Variants in RBFOX3 observed in about 807,000 individuals in gnomAD.
RBFOX3 encodes the protein RNA binding protein fox-1 homolog 3.
In RBFOX3, 17 loss-of-function variants were observed where a neutral mutation model predicts 48.7. The observed-to-expected ratio is 0.35, with a 90% CI of 0.24 to 0.52. The LOEUF is 0.52. RBFOX3 is among the 20% of genes least tolerant of loss of function. The probability of loss-of-function intolerance (pLI) is 0.94; values close to 1 mark genes in which losing one functional copy is unlikely to be tolerated. For synonymous variants in RBFOX3, 212 were observed against 209.5 expected (o/e 1.01, Z -0.10); for missense variants, 382 against 497.5 (o/e 0.77, Z 2.21).
Position 79,392,662 on chromosome 17 carries a change from C to A in RBFOX3, c.-174-84838G>T, listed in dbSNP as rs1382023637. 6.6e-6 allele frequency among the ~76,000 whole-genome samples: 1 copy of A among 152,194 alleles called. No individual in the cohort carries two copies. Among genetic ancestry groups the A allele is most frequent in the Non-Finnish European group, 1.5e-5 (1 of 68,042 alleles). ...CAGTGTGTGCAGTACCACACCCTCT[C>A]TTCCCGATATCTGGCAAGCATCGGG... is the stretch of plus-strand genomic sequence containing the variant. On this transcript the variant is annotated intron_variant, in intron 2 of 14. Coordinates refer to ENST00000693108, the MANE Select transcript of RBFOX3 (RefSeq NM_001350451.2). This position sits in a 1 kb window ranked among gnomAD's most constrained non-coding sequence, Gnocchi z 5.0.
intron 1 of RBFOX3, among the ~76,000 whole-genome samples, chr17:79,538,587 T>A (rs1325122625): frequency 6.6e-6 from 1 of 152,212 alleles, no homozygotes; most frequent in Non-Finnish European, 1.5e-5. Context: ...GCTTTGAGAA[T>A]CATCCTCGCC....
intron 1 of RBFOX3, among the ~76,000 whole-genome samples, chr17:79,509,422 TA>T (rs2083745224): frequency 6.6e-6 from 1 of 151,620 alleles, no homozygotes; most frequent in Admixed American, 6.6e-5. Context: ...TCTGCGGGTA[TA>T]TTTGTTCACT....
At chr17:79,531,348 G>A (rs1052312207) in intron 1 of RBFOX3, among the ~76,000 whole-genome samples, 7 of 152,298 alleles carry the variant, frequency 4.6e-5, no homozygotes, top group African/African-American at 1.4e-4. Context: ...CTGCGTGTGC[G>A]GAGGAGGGCG....
intron 3 of RBFOX3, among the ~76,000 whole-genome samples, chr17:79,279,422 T>G (rs530794287): frequency 5.9e-5 from 9 of 152,224 alleles, no homozygotes; most frequent in African/African-American, 1.9e-4. Flanking sequence ...ATGCTGAGAT[T>G]CCAGTGGGTG....
chr17:79,413,711 C>T (rs1184187751), intron 2 of RBFOX3, among the ~76,000 whole-genome samples: 2 of 152,138 alleles, frequency 1.3e-5, no homozygotes, highest in Non-Finnish European at 2.9e-5. Flanking sequence ...GAAGGCAGCC[C>T]GAGGAGCAGC....
chr17:79,254,764 A>C lies in RBFOX3; in HGVS notation c.-73-18959T>G, dbSNP rs563919589. 3.3e-5 allele frequency among the ~76,000 whole-genome samples: 5 copies of C among 152,274 alleles called. No homozygotes were observed. The South Asian group carries it at 6.2e-4, about 19-fold the overall frequency. On this transcript the variant is annotated intron_variant, in intron 3 of 14. Coordinates refer to ENST00000693108, the MANE Select transcript of RBFOX3 (RefSeq NM_001350451.2). This position sits in a 1 kb window ranked among gnomAD's most constrained non-coding sequence, Gnocchi z 4.8. ...CCTTACCTGGACAGTATCCAGGTGG[A>C]CAGGTGCCTTATCTTGGCTGGGCAT...
At chr17:79,097,970 T>C in intron 9 of RBFOX3, 1 of 575,906 alleles carries the variant, frequency 1.7e-6, no homozygotes, top group East Asian at 2.9e-5. Flanking sequence ...GCTAGGATTC[T>C]TTCCCAATTG....
At chr17:79,202,392 TG>T (rs2056894186) in intron 4 of RBFOX3, among the ~76,000 whole-genome samples, 1 of 152,136 alleles carries the variant, frequency 6.6e-6, no homozygotes, top group African/African-American at 2.4e-5. Context: ...GCCCCCTCTG[TG>T]CTCACGGCAG....
At chr17:79,291,617 T>G (rs2073282060) in intron 3 of RBFOX3, among the ~76,000 whole-genome samples, 1 of 152,216 alleles carries the variant, frequency 6.6e-6, no homozygotes, top group African/African-American at 2.4e-5. Context: ...TAACAGGGTC[T>G]GCAGAGCCGG....
At chr17:79,544,621 C>T (rs1398657230) in intron 1 of RBFOX3, among the ~76,000 whole-genome samples, 3 of 151,978 alleles carry the variant, frequency 2.0e-5, no homozygotes, top group Non-Finnish European at 4.4e-5. Flanking sequence ...CCACCTGCCC[C>T]ACCACACCTG....
chr17:79,281,483 G>C (rs978989999), intron 3 of RBFOX3, among the ~76,000 whole-genome samples: 1 of 151,894 alleles, frequency 6.6e-6, no homozygotes, highest in African/African-American at 2.4e-5. Context: ...GGGCTGGAAG[G>C]AGCCACGGGC....
intron 4 of RBFOX3, among the ~76,000 whole-genome samples, chr17:79,190,343 G>T (rs577168715): frequency 2.6e-5 from 4 of 151,574 alleles, no homozygotes; most frequent in Admixed American, 2.6e-4. Flanking sequence ...TCTGGGAGGC[G>T]GAGGATGCGG....
chr17:79,518,140 G>C (rs2085516354), intron 1 of RBFOX3, among the ~76,000 whole-genome samples: 1 of 152,184 alleles, frequency 6.6e-6, no homozygotes, highest in Non-Finnish European at 1.5e-5. Context: ...CTGAGCTATG[G>C]AAACAATTAA....
chr17:79,333,899 G>A (rs891778002), intron 2 of RBFOX3, among the ~76,000 whole-genome samples: 6 of 151,904 alleles, frequency 3.9e-5, no homozygotes, highest in Admixed American at 3.3e-4. Flanking sequence ...CCCAGATGCC[G>A]AGGTGTCTCC....
At chr17:79,563,689 T>C (rs2092344302) in intron 1 of RBFOX3, among the ~76,000 whole-genome samples, 1 of 152,230 alleles carries the variant, frequency 6.6e-6, no homozygotes, top group African/African-American at 2.4e-5. Context: ...TCTTTTTTCT[T>C]GGCACATTCT....
the RBFOX3 span, among the ~76,000 whole-genome samples, chr17:79,620,563 A>C: frequency 7.1e-6 from 1 of 141,458 alleles, no homozygotes; most frequent in African/African-American, 2.7e-5. Flanking sequence ...ACATGTGCAC[A>C]CCCGCGCGTG....
intron 4 of RBFOX3, chr17:79,208,592 G>A (rs1478749341): frequency 6.6e-6 from 1 of 152,598 alleles, no homozygotes; most frequent in Non-Finnish European, 1.5e-5. Flanking sequence ...AAGTGGCATT[G>A]AGCAACCTTG....
Position 79,396,255 on chromosome 17 carries a change from G to A in RBFOX3, c.-175+86199C>T, listed in dbSNP as rs869470. Among the ~76,000 whole-genome samples the A allele has an allele frequency of 7.6e-3, 1,159 of 152,298 alleles. 9 individuals carry two copies. Among genetic ancestry groups the A allele is most frequent in the Middle Eastern group, 0.02 (6 of 294 alleles). On this transcript the variant is annotated intron_variant, in intron 2 of 14. Coordinates refer to ENST00000693108, the MANE Select transcript of RBFOX3 (RefSeq NM_001350451.2). ...ATCAAATTTGGACTGGGCAGAGCCG[G>A]GGGAGAAGGGTGTGGCTGAGCTCAG...
intron 3 of RBFOX3, among the ~76,000 whole-genome samples, chr17:79,292,342 T>G (rs1163619399): frequency 6.6e-6 from 1 of 151,970 alleles, no homozygotes; most frequent in Non-Finnish European, 1.5e-5. Flanking sequence ...ATAGAATTTA[T>G]TCTATTGTGC....
Sources: allele counts gnomAD v4.1 joint callset (sites outside exome capture counted in the v4.1 genomes callset), GRCh38; gene constraint gnomAD v4.1.1; non-coding constraint Gnocchi (gnomAD v3.1); transcripts MANE v1.5; gene names NCBI Gene and HGNC (gene_info 2026-07-23, HGNC 2026-07-21).